The following TTC34 variants were observed in gnomAD, a reference collection of about 807,000 sequenced individuals.
The protein encoded by TTC34 is tetratricopeptide repeat domain 34.
TTC34 carries 44 observed loss-of-function variants against 40.7 expected under a neutral mutation model. That is an observed-to-expected ratio of 1.08 (90% CI 0.85 to 1.39). The LOEUF (loss-of-function observed/expected upper bound fraction) is 1.39. Ranked by LOEUF, TTC34 falls within the 40% of genes most tolerant of loss-of-function variation. TTC34 has a pLI of 0.00. For missense variants in TTC34, 884 were observed against 838.0 expected, an observed-to-expected ratio of 1.05 and a Z score of -0.68; for synonymous variants, 422 against 398.6, an observed-to-expected ratio of 1.06 and a Z score of -0.70.
chr1:2,759,655 G>A (rs1641627198), intron 6 of TTC34, among the ~76,000 whole-genome samples: 1 of 151,460 alleles, frequency 6.6e-6, no homozygotes, highest in Non-Finnish European at 1.5e-5. Flanking sequence ...GTGAGCATTC[G>A]ACAGCCTGGA....
At chr1:2,686,211 G>C (rs1243805749) in intron 6 of TTC34, among the ~76,000 whole-genome samples, 2 of 146,832 alleles carry the variant, frequency 1.4e-5, no homozygotes, top group Non-Finnish European at 3.0e-5. Context: ...CCCCAGGCGA[G>C]CATCTGACAG....
intron 6 of TTC34, among the ~76,000 whole-genome samples, chr1:2,657,730 G>A (rs1305509304): frequency 1.2e-3 from 28 of 23,752 alleles, no homozygotes; most frequent in Middle Eastern, 0.083. Flanking sequence ...AGCCTGGGTC[G>A]GCACCCACAC....
At chr1:2,652,365 C>A (rs925955182) in intron 6 of TTC34, among the ~76,000 whole-genome samples, 27 of 145,870 alleles carry the variant, frequency 1.9e-4, no homozygotes, top group Admixed American at 3.4e-4. Flanking sequence ...AGCACGCACA[C>A]CCCCAGGTGA....
chr1:2,782,529 T>C (rs999733459), intron 6 of TTC34, among the ~76,000 whole-genome samples: 2 of 152,168 alleles, frequency 1.3e-5, no homozygotes, highest in Non-Finnish European at 2.9e-5. Context: ...TTTCTTTCTC[T>C]TTCTGTTCAT....
At chr1:2,691,110 A>G (rs1206528762) in intron 6 of TTC34, among the ~76,000 whole-genome samples, 3 of 73,020 alleles carry the variant, frequency 4.1e-5, no homozygotes, top group Admixed American at 1.3e-4. Context: ...CCTTCAGGTG[A>G]GCATCTGACA....
At position 2,698,284 on chromosome 1, in the gene TTC34, C is replaced by A. The variant is rs1413903356; in HGVS notation, c.2227-52721G>T. On this transcript the variant is annotated intron_variant, in intron 6 of 8. Coordinates refer to ENST00000401095, the Ensembl canonical transcript of TTC34. Reference sequence around the variant, plus strand: ...TCTGACAGCCTGAAACAGAACCCTGCACCCCCGGTGCGCACGTGACAGCCT... The same window carrying A: ...TCTGACAGCCTGAAACAGAACCCTGAACCCCCGGTGCGCACGTGACAGCCT... Among the ~76,000 whole-genome samples, 3 of 64,414 alleles carry A rather than the reference C, an allele frequency of 4.7e-5. 1 individual carries two copies. The highest frequency in any genetic ancestry group is 5.2e-4 in the South Asian group (1 of 1,934). The allele number at this position is 64,414 out of a possible 152,430, so 42.3% of individuals were successfully genotyped here. A position where few individuals can be genotyped will look rare whatever the true frequency, so the allele number is the denominator to read the frequency against.
intron 6 of TTC34, among the ~76,000 whole-genome samples, chr1:2,655,053 C>G (rs796427602): frequency 1.4e-4 from 18 of 131,022 alleles, no homozygotes; most frequent in African/African-American, 3.4e-4. Flanking sequence ...GCACGCTGCA[C>G]CCCCAAGTGA....
In TTC34 at chr1:2,655,060, G is replaced by A. The variant is rs571630462; in HGVS notation, c.2227-9497C>T. Among the ~76,000 whole-genome samples, 5 of 151,860 alleles carry A rather than the reference G, an allele frequency of 3.3e-5. No individual in the cohort carries two copies. The South Asian group carries it at 1.0e-3, about 31-fold the overall frequency. ...CCGGAACAGCACGCTGCACCCCCAAGTGAGCACCTGACAGCCTGGAGCAGC... is the reference window on the plus strand; with the variant it reads ...CCGGAACAGCACGCTGCACCCCCAAATGAGCACCTGACAGCCTGGAGCAGC... On this transcript the variant is annotated intron_variant, in intron 6 of 8. Transcript: ENST00000401095.
At position 2,681,626 on chromosome 1, in the gene TTC34, C is replaced by A. The variant is rs1168451322; in HGVS notation, c.2227-36063G>T. On this transcript the variant is annotated intron_variant, in intron 6 of 8. Transcript: ENST00000401095. ...AGACAGCCTGGAACCGCAGCCACAC[C>A]CCCAGCGAGCACCTGACAGCCTGGA... Among the ~76,000 whole-genome samples, 3 of 77,034 alleles carry A rather than the reference C, an allele frequency of 3.9e-5. 1 individual carries two copies. Among genetic ancestry groups the A allele is most frequent in the Admixed American group, 1.2e-4 (1 of 8,106 alleles). 50.5% of individuals were successfully genotyped at this position (77,034 alleles called of 152,430 possible). A position where few individuals can be genotyped will look rare whatever the true frequency, so the allele number is the denominator to read the frequency against.
intron 6 of TTC34, among the ~76,000 whole-genome samples, chr1:2,781,783 T>C (rs916422168): frequency 6.6e-6 from 1 of 152,228 alleles, no homozygotes; most frequent in African/African-American, 2.4e-5. Flanking sequence ...GATCATTTTT[T>C]CCCTTTCATT....
At chr1:2,786,759 A>G (rs1643595792) in intron 4 of TTC34, among the ~76,000 whole-genome samples, 2 of 152,174 alleles carry the variant, frequency 1.3e-5, no homozygotes, top group Non-Finnish European at 2.9e-5. Context: ...TCCACCCCAC[A>G]ACGTCCCCTC....
Position 2,645,527 on chromosome 1 carries a change from C to G in TTC34, c.2263G>C (p.Gly755Arg), listed in dbSNP as rs750327662. ...AGCTCAGGGACCACAGTCCCGGGGC[C>G]GAGCTTCAGAGCAGAGACGATGTCG... Residue 755 changes from glycine (G) to arginine (R), a missense_variant, in exon 7 of 9, where the codon GGC (glycine) becomes CGC (arginine). Gly to Arg is a moderately radical substitution (Grantham distance 125). Transcript: ENST00000401095. The surrounding 1 kb of genome is among the most constrained non-coding windows in gnomAD (Gnocchi z 4.7). The G allele has an allele frequency of 1.3e-5, 17 of 1,279,024 alleles. No homozygotes were observed. In the East Asian group the frequency reaches 7.2e-4, roughly 54 times the overall value. The allele number at this position is 1,279,024 out of a possible 1,614,324, so 79.2% of individuals were successfully genotyped here. A position where few individuals can be genotyped will look rare whatever the true frequency, so the allele number is the denominator to read the frequency against.
At chr1:2,754,816 C>A (rs1641450786) in intron 6 of TTC34, among the ~76,000 whole-genome samples, 10 of 151,968 alleles carry the variant, frequency 6.6e-5, no homozygotes, top group Non-Finnish European at 1.0e-4. Flanking sequence ...ACAGAAACCA[C>A]ACCCCCAGGT....
At chr1:2,790,161 C>T (rs1361883695) in exon 3 of TTC34, 8 of 398,274 alleles carry the variant, frequency 2.0e-5, no homozygotes, top group Non-Finnish European at 3.5e-5. Flanking sequence ...ACGTCCGCGG[C>T]CTCCTGCGCC....
intron 2 of TTC34, among the ~76,000 whole-genome samples, chr1:2,792,341 C>T (rs1053731162): frequency 2.0e-5 from 3 of 152,112 alleles, no homozygotes; most frequent in African/African-American, 7.2e-5. Flanking sequence ...GAAGATTCCA[C>T]ATCAGTTCAA....
Position 2,641,533 on chromosome 1 carries a change from TG to T in TTC34, c.3074del (p.Ala1025AspfsTer24). On this transcript the variant is annotated frameshift_variant, in exon 9 of 9. Coordinates refer to ENST00000401095, the Ensembl canonical transcript of TTC34. LOFTEE classifies it low-confidence loss of function (END_TRUNC). ...ACTGCCCGCGGAGAAGGAACATGCG[TG>T]CAGTGGGGGCCCGGCCTGGCTGCCT... The T allele has an allele frequency of 6.5e-7, 1 of 1,534,766 alleles. No individual in the cohort carries two copies. The highest frequency in any genetic ancestry group is 8.7e-7 in the Non-Finnish European group (1 of 1,146,256).
chr1:2,786,066 T>A, intron 4 of TTC34, 43 bp from the exon 5 acceptor site: 6 of 1,414,578 alleles, frequency 4.2e-6, no homozygotes, highest in Non-Finnish European at 5.6e-6. Flanking sequence ...TTGGGACCGA[T>A]GCCCTGGAGC....
At chr1:2,788,891 A>G (rs149866269) in intron 3 of TTC34, among the ~76,000 whole-genome samples, 1 of 152,176 alleles carries the variant, frequency 6.6e-6, no homozygotes, top group South Asian at 2.1e-4. Flanking sequence ...CAGGAGTTCG[A>G]GACCAGCCTG....
At chr1:2,652,621 G>C (rs1380761107) in intron 6 of TTC34, among the ~76,000 whole-genome samples, 1 of 151,738 alleles carries the variant, frequency 6.6e-6, no homozygotes, top group Non-Finnish European at 1.5e-5. Flanking sequence ...GCGAGCATCC[G>C]ACAGCCTGGA....
Sources: allele counts gnomAD v4.1 joint callset (sites outside exome capture counted in the v4.1 genomes callset), GRCh38; gene constraint gnomAD v4.1.1; non-coding constraint Gnocchi (gnomAD v3.1); transcripts MANE v1.5; gene names NCBI Gene and HGNC (gene_info 2026-07-23, HGNC 2026-07-21).